Variants in SPOCK3 observed in about 807,000 individuals in gnomAD.
SPOCK3 encodes SPARC (osteonectin), cwcv and kazal like domains proteoglycan 3.
A neutral mutation model predicts 56.6 loss-of-function variants in SPOCK3; 30 were observed. That is an observed-to-expected ratio of 0.53 (90% CI 0.40 to 0.72). The LOEUF is 0.72. Among genes scored for constraint, SPOCK3 ranks in the 30% least tolerant of loss-of-function variants. SPOCK3 has a pLI of 0.00. For missense variants in SPOCK3, 527 were observed against 530.0 expected (o/e 0.99, Z 0.06); for synonymous variants, 196 against 183.3 (o/e 1.07, Z -0.56).
At chr4:167,102,615 C>G (rs1759746860) in intron 2 of SPOCK3, 1 of 152,238 alleles carries the variant, frequency 6.6e-6, no homozygotes, top group African/African-American at 2.4e-5. Flanking sequence ...ACTCATTGCC[C>G]TGAACTCAGT....
At chr4:167,060,564 T>A (rs1755490969) in intron 3 of SPOCK3, among the ~76,000 whole-genome samples, 1 of 152,136 alleles carries the variant, frequency 6.6e-6, no homozygotes, top group African/African-American at 2.4e-5. Flanking sequence ...TACAAAACTT[T>A]CTTACATGTT....
chr4:167,179,744 G>A (rs1037635529), intron 2 of SPOCK3, among the ~76,000 whole-genome samples: 1 of 152,032 alleles, frequency 6.6e-6, no homozygotes, highest in Admixed American at 6.5e-5. Flanking sequence ...TTTCATTCAC[G>A]GTATGTAAGA....
At chr4:166,822,439 T>C (rs1210553781) in intron 6 of SPOCK3, among the ~76,000 whole-genome samples, 3 of 152,068 alleles carry the variant, frequency 2.0e-5, no homozygotes, top group African/African-American at 7.2e-5. Flanking sequence ...CTGGCTATTA[T>C]TTTTAAATGT....
intron 2 of SPOCK3, among the ~76,000 whole-genome samples, chr4:167,153,538 C>G (rs1764579902): frequency 6.6e-6 from 1 of 152,146 alleles, no homozygotes; most frequent in Non-Finnish European, 1.5e-5. Flanking sequence ...TGATCCATAA[C>G]CACACAGCAC....
chr4:167,138,917 A>C (rs1763320313), intron 2 of SPOCK3, among the ~76,000 whole-genome samples: 1 of 152,046 alleles, frequency 6.6e-6, no homozygotes, highest in Non-Finnish European at 1.5e-5. Context: ...ATGCAATTCC[A>C]TCATCTTCAA....
rs558891517 is a variant in SPOCK3, at chr4:166,775,573, C to T, written c.709+16597G>A. Among the ~76,000 whole-genome samples the T allele has an allele frequency of 1.5e-3, 233 of 152,242 alleles. 1 individual carries two copies. Among genetic ancestry groups the T allele is most frequent in the African/African-American group, 5.4e-3 (224 of 41,554 alleles). ...AAATTTGAAGATCATCTGTATATGGCTGATTTTCTAAATGGGATACTGAAC... is the reference window on the plus strand; with the variant it reads ...AAATTTGAAGATCATCTGTATATGGTTGATTTTCTAAATGGGATACTGAAC... On this transcript the variant is annotated intron_variant, in intron 7 of 10. Transcript: ENST00000357545.
chr4:167,085,496 T>A (rs535213324), intron 2 of SPOCK3, among the ~76,000 whole-genome samples: 1 of 152,276 alleles, frequency 6.6e-6, no homozygotes, highest in South Asian at 2.1e-4. Context: ...ACAATACTCA[T>A]TTGAAATATC....
intron 2 of SPOCK3, among the ~76,000 whole-genome samples, chr4:167,171,978 C>A (rs531081399): frequency 5.4e-4 from 82 of 151,702 alleles, no homozygotes; most frequent in Non-Finnish European, 1.1e-3. Flanking sequence ...GAGGATACTG[C>A]ATAAAGGTAA....
intron 6 of SPOCK3, among the ~76,000 whole-genome samples, chr4:166,857,235 C>T (rs780268360): frequency 5.3e-5 from 8 of 152,182 alleles, no homozygotes; most frequent in African/African-American, 7.2e-5. Context: ...CTTCACTCAA[C>T]GGTCAACAAG....
At chr4:167,004,898 C>T (rs1749315644) in intron 3 of SPOCK3, among the ~76,000 whole-genome samples, 1 of 152,074 alleles carries the variant, frequency 6.6e-6, no homozygotes, top group African/African-American at 2.4e-5. Context: ...CATCCAGATA[C>T]TAATACTCAG....
intron 4 of SPOCK3, among the ~76,000 whole-genome samples, chr4:166,997,399 A>T (rs1748496921): frequency 6.6e-6 from 1 of 152,188 alleles, no homozygotes. Context: ...CCATTAAAAC[A>T]TACTTGTTGA....
At chr4:166,884,361 A>C (rs1167813122) in intron 6 of SPOCK3, among the ~76,000 whole-genome samples, 1 of 151,304 alleles carries the variant, frequency 6.6e-6, no homozygotes, top group Admixed American at 6.6e-5. Context: ...CAACAACAAC[A>C]ACAAAAAAAA....
chr4:166,984,126 C>T (rs13126650), intron 4 of SPOCK3, among the ~76,000 whole-genome samples: 39,726 of 151,926 alleles, frequency 0.26, 5,401 homozygotes, highest in African/African-American at 0.33. Context: ...AAGCAACTCT[C>T]TCTTTACCTA....
intron 4 of SPOCK3, among the ~76,000 whole-genome samples, chr4:166,951,641 T>C (rs973638555): frequency 2.2e-5 from 3 of 135,920 alleles, no homozygotes; most frequent in African/African-American, 9.3e-5. Context: ...AAAGAGAATT[T>C]TAGACCAATA....
At chr4:167,012,658 T>C (rs1368949856) in intron 3 of SPOCK3, among the ~76,000 whole-genome samples, 1 of 151,974 alleles carries the variant, frequency 6.6e-6, no homozygotes, top group African/African-American at 2.4e-5. Context: ...CACGAAATAA[T>C]GCAATCAGTA....
At chr4:166,847,553 C>T (rs2126857534) in intron 6 of SPOCK3, among the ~76,000 whole-genome samples, 1 of 149,338 alleles carries the variant, frequency 6.7e-6, no homozygotes, top group East Asian at 2.0e-4. Flanking sequence ...GCTCATAACA[C>T]ATTAGTAAGC....
chr4:167,066,543 G>A (rs1756153226), intron 2 of SPOCK3, among the ~76,000 whole-genome samples: 1 of 151,766 alleles, frequency 6.6e-6, no homozygotes, highest in African/African-American at 2.4e-5. Context: ...AATATTGAAA[G>A]TATATTAAAC....
chr4:167,123,822 C>T (rs1361627918), intron 2 of SPOCK3, among the ~76,000 whole-genome samples: 1 of 149,852 alleles, frequency 6.7e-6, no homozygotes. Context: ...CCACTTGCTG[C>T]AACCTCCCAC....
At chr4:166,823,843 C>T (rs1745182937) in intron 6 of SPOCK3, among the ~76,000 whole-genome samples, 1 of 152,078 alleles carries the variant, frequency 6.6e-6, no homozygotes, top group African/African-American at 2.4e-5. Context: ...ACTGGCACCA[C>T]ACTCAAATTT....
Sources: gnomAD v4.1 joint callset for allele counts (sites outside exome capture counted in the v4.1 genomes callset) on GRCh38, gnomAD v4.1.1 for gene constraint, MANE v1.5 for transcripts, NCBI Gene and HGNC (gene_info 2026-07-23, HGNC 2026-07-21) for gene names.